The following DLGAP2 variants were observed in gnomAD, a reference collection of about 807,000 sequenced individuals.
The protein encoded by DLGAP2 is DLG associated protein 2.
In DLGAP2, 26 loss-of-function variants were observed where a neutral mutation model predicts 100.3. The observed-to-expected ratio is 0.26, with a 90% CI of 0.19 to 0.36. The LOEUF is 0.36. Among genes scored for constraint, DLGAP2 ranks in the 10% least tolerant of loss-of-function variants. The probability of loss-of-function intolerance (pLI) is 1.00; values close to 1 mark genes in which losing one functional copy is unlikely to be tolerated. For missense variants in DLGAP2, 1,858 were observed against 1,453.2 expected (o/e 1.28, Z -4.53); for synonymous variants, 886 against 630.1 (o/e 1.41, Z -6.08).
intron 2 of DLGAP2, among the ~76,000 whole-genome samples, chr8:1,170,741 A>G (rs1387454045): frequency 6.7e-6 from 1 of 149,836 alleles, no homozygotes; most frequent in East Asian, 1.9e-4. Flanking sequence ...CCCCTTTATC[A>G]TTTTTTATTG....
chr8:909,938 T>C (rs114015012), intron 2 of DLGAP2, among the ~76,000 whole-genome samples: 2 of 152,362 alleles, frequency 1.3e-5, no homozygotes, highest in African/African-American at 4.8e-5. Context: ...CTTTTGCATT[T>C]CAGTGGCATA....
intron 2 of DLGAP2, among the ~76,000 whole-genome samples, chr8:1,191,403 C>A (rs950146323): frequency 2.0e-5 from 3 of 152,130 alleles, no homozygotes; most frequent in East Asian, 1.9e-4. Flanking sequence ...ATCTCCTGAC[C>A]TTGTGATCTG....
chr8:1,534,344 G>A (rs550006425), intron 4 of DLGAP2, among the ~76,000 whole-genome samples: 1 of 152,330 alleles, frequency 6.6e-6, no homozygotes, highest in African/African-American at 2.4e-5. Context: ...ACAACTGATA[G>A]CAGCTTTCTT....
intron 1 of DLGAP2, among the ~76,000 whole-genome samples, chr8:764,842 C>G (rs1229102502): frequency 1.3e-5 from 2 of 152,122 alleles, no homozygotes; most frequent in Non-Finnish European, 2.9e-5. Context: ...AGCCACAGAA[C>G]TTTAAAAAAA....
rs1018068362 is a variant in DLGAP2 at position 1,520,093 on chromosome 8, G to A, written c.172+18662G>A. Reference sequence around the variant, plus strand: ...TCTCTGCCCCTGGAGTGCTGGGCACGCTGTCCCCATCTCTGCTTCCCAACA... The same window carrying A: ...TCTCTGCCCCTGGAGTGCTGGGCACACTGTCCCCATCTCTGCTTCCCAACA... On this transcript the variant is annotated intron_variant, in intron 4 of 14. Transcript: ENST00000637795. Among the ~76,000 whole-genome samples, 7 of 152,298 alleles carry A rather than the reference G, an allele frequency of 4.6e-5. No individual in the cohort carries two copies. In the South Asian group the frequency reaches 1.2e-3, roughly 27 times the overall value.
At chr8:1,686,647 C>A (rs1012573893) in intron 12 of DLGAP2, among the ~76,000 whole-genome samples, 2 of 151,456 alleles carry the variant, frequency 1.3e-5, no homozygotes, top group African/African-American at 4.9e-5. Context: ...GCACTCCAGC[C>A]TGGGCAACAA....
In DLGAP2 at chr8:1,691,596, G is replaced by A. The variant is rs368852039; in HGVS notation, c.2766G>A (p.Gln922=). The A allele has an allele frequency of 1.1e-4, 180 of 1,614,112 alleles. 1 individual carries two copies. The Middle Eastern group carries it at 2.1e-3, about 19-fold the overall frequency. Residue 922 remains glutamine (Q), a synonymous_variant, in exon 13 of 15, where the codon CAG becomes CAA. Coordinates refer to ENST00000637795, the MANE Select transcript of DLGAP2 (RefSeq NM_001346810.2). Reference sequence around the variant, plus strand: ...AGCTTCTCATGTCCCAGAAATTCCAGCAGTTTTATTGGCTTTGCCAACAGA... The same window carrying A: ...AGCTTCTCATGTCCCAGAAATTCCAACAGTTTTATTGGCTTTGCCAACAGA... ...SAQLLMSQKF[Q]QFYWLCQQNM... is the part of the protein sequence containing the mutation.
chr8:801,697 C>T (rs1326497357), intron 1 of DLGAP2, among the ~76,000 whole-genome samples: 1 of 152,212 alleles, frequency 6.6e-6, no homozygotes, highest in Middle Eastern at 3.4e-3. Flanking sequence ...CTGTCCTTAG[C>T]CCACTGTGCC....
intron 2 of DLGAP2, among the ~76,000 whole-genome samples, chr8:1,121,598 C>T (rs1259466620): frequency 6.6e-6 from 1 of 152,064 alleles, no homozygotes; most frequent in Non-Finnish European, 1.5e-5. Flanking sequence ...ATCCTCTTTC[C>T]TTCAGAACCC....
chr8:813,357 A>G (rs1163135701), intron 1 of DLGAP2, among the ~76,000 whole-genome samples: 1 of 152,142 alleles, frequency 6.6e-6, no homozygotes, highest in Non-Finnish European at 1.5e-5. Flanking sequence ...TAAAGTGTTT[A>G]TATTCATATA....
At chr8:1,504,352 A>G (rs770670352) in intron 4 of DLGAP2, among the ~76,000 whole-genome samples, 1 of 152,198 alleles carries the variant, frequency 6.6e-6, no homozygotes, top group African/African-American at 2.4e-5. Flanking sequence ...AGATAAGTCA[A>G]CAAAGCTAGT....
rs1481818418 is a variant in DLGAP2 at position 1,701,742 on chromosome 8, T to G, written c.*336T>G. The G allele has an allele frequency of 5.7e-6, 2 of 347,888 alleles. No homozygotes were observed. Among genetic ancestry groups the G allele is most frequent in the African/African-American group, 4.3e-5 (2 of 47,024 alleles). 21.6% of individuals were successfully genotyped at this position (347,888 alleles called of 1,614,324 possible). ...CTGGAGCTGGAACCCAGCTTACATT[T>G]TGTTATTTCTATTTTTATAAATTGT... On this transcript the variant is annotated 3_prime_UTR_variant, in exon 15 of 15. Coordinates refer to ENST00000637795, the MANE Select transcript of DLGAP2 (RefSeq NM_001346810.2).
chr8:1,455,795 A>G (rs1584921858), intron 3 of DLGAP2, among the ~76,000 whole-genome samples: 1 of 152,280 alleles, frequency 6.6e-6, no homozygotes, highest in African/African-American at 2.4e-5. Context: ...GAGTGTGCGG[A>G]AGGCACCACC....
At chr8:1,489,325 G>C (rs1282898462) in intron 3 of DLGAP2, among the ~76,000 whole-genome samples, 2 of 152,230 alleles carry the variant, frequency 1.3e-5, no homozygotes, top group Non-Finnish European at 2.9e-5. Flanking sequence ...ACCATGCGTG[G>C]ATGGCACCGG....
intron 8 of DLGAP2, among the ~76,000 whole-genome samples, chr8:1,665,557 A>G (rs1214207443): frequency 6.6e-6 from 1 of 152,176 alleles, no homozygotes; most frequent in Admixed American, 6.5e-5. Context: ...CAGATGTCAC[A>G]TTTTAATCTA....
At chr8:965,898 GT>G (rs1799858980) in intron 2 of DLGAP2, among the ~76,000 whole-genome samples, 3 of 152,086 alleles carry the variant, frequency 2.0e-5, no homozygotes, top group East Asian at 1.9e-4. Flanking sequence ...ACCACCGCAT[GT>G]GGCTCCTGAG....
intron 2 of DLGAP2, among the ~76,000 whole-genome samples, chr8:949,445 AG>A (rs1325882684): frequency 1.3e-5 from 2 of 148,280 alleles, no homozygotes; most frequent in African/African-American, 5.3e-5. Flanking sequence ...ATGAGGAGGG[AG>A]GGGTCTGCAA....
At chr8:987,827 C>G (rs765799750) in intron 2 of DLGAP2, among the ~76,000 whole-genome samples, 18 of 152,188 alleles carry the variant, frequency 1.2e-4, no homozygotes, top group Non-Finnish European at 1.0e-4. Flanking sequence ...CAGTTTCCCC[C>G]AACATATGAC....
At chr8:1,021,669 A>T (rs1351486624) in intron 2 of DLGAP2, among the ~76,000 whole-genome samples, 1 of 152,172 alleles carries the variant, frequency 6.6e-6, no homozygotes, top group Non-Finnish European at 1.5e-5. Flanking sequence ...ACTCCATGAG[A>T]CTTCAGCTCA....
Sources: allele counts gnomAD v4.1 joint callset (sites outside exome capture counted in the v4.1 genomes callset), GRCh38; gene constraint gnomAD v4.1.1; transcripts MANE v1.5; gene names NCBI Gene and HGNC (gene_info 2026-07-23, HGNC 2026-07-21).